SMOC1: variants seen among roughly 807,000 people sequenced by gnomAD.
SMOC1 encodes SPARC-related modular calcium-binding protein 1.
In SMOC1, 22 loss-of-function variants were observed where a neutral mutation model predicts 56.3. The observed-to-expected ratio is 0.39, with a 90% CI of 0.28 to 0.56. The LOEUF (loss-of-function observed/expected upper bound fraction) is 0.56, where lower values mean the gene tolerates loss of function less well. SMOC1 is among the 20% of genes least tolerant of loss of function. The pLI, the probability that SMOC1 is intolerant of heterozygous loss-of-function variation, is 0.61. For missense variants in SMOC1, 509 were observed against 565.4 expected, an observed-to-expected ratio of 0.90 and a Z score of 1.01; for synonymous variants, 193 against 215.0, an observed-to-expected ratio of 0.90 and a Z score of 0.89.
rs1035034851 is a variant in SMOC1 at position 70,032,219 on chromosome 14, A to T, written c.*1961A>T. 3.3e-5 allele frequency: 5 copies of T among 152,122 alleles called. No homozygotes were observed. Among genetic ancestry groups the T allele is most frequent in the African/African-American group, 7.3e-5 (3 of 41,362 alleles). 9.4% of individuals were successfully genotyped at this position (152,122 alleles called of 1,614,324 possible). A position where few individuals can be genotyped will look rare whatever the true frequency, so the allele number is the denominator to read the frequency against. Reference sequence around the variant, plus strand: ...ACACATGGAGACGGCGCCTGCCTGTAGATGTTTGGATCTTCGAGATCTCCC... The same window carrying T: ...ACACATGGAGACGGCGCCTGCCTGTTGATGTTTGGATCTTCGAGATCTCCC... On this transcript the variant is annotated 3_prime_UTR_variant, in exon 12 of 12. Transcript: ENST00000361956.
At chr14:69,954,532 T>C (rs893505385) in intron 3 of SMOC1, among the ~76,000 whole-genome samples, 3 of 152,168 alleles carry the variant, frequency 2.0e-5, no homozygotes, top group Non-Finnish European at 4.4e-5. Flanking sequence ...CAGGAAAGCT[T>C]CTGGGCTGCT....
chr14:69,940,243 C>A (rs1055590545), intron 1 of SMOC1, among the ~76,000 whole-genome samples: 1 of 152,206 alleles, frequency 6.6e-6, no homozygotes, highest in African/African-American at 2.4e-5. Context: ...CTCCCTCAGT[C>A]CCCTAGTGGT....
Position 70,023,184 on chromosome 14 carries a change from G to A in SMOC1, c.1047-19G>A, listed in dbSNP as rs1244692406. On this transcript the variant is annotated intron_variant, in intron 10 of 11. Coordinates refer to ENST00000361956, the MANE Select transcript of SMOC1 (RefSeq NM_001034852.3). Reference sequence around the variant, plus strand: ...CTGATTGGTGTTCTCTGCGGTGGGGGTGTTTGTCCATGGCCCAGGTTCTCA... The same window carrying A: ...CTGATTGGTGTTCTCTGCGGTGGGGATGTTTGTCCATGGCCCAGGTTCTCA... 2.5e-6 allele frequency: 4 copies of A among 1,613,866 alleles called. No individual in the cohort carries two copies. The highest frequency in any genetic ancestry group is 3.4e-6 in the Non-Finnish European group (4 of 1,180,006).
intron 10 of SMOC1, among the ~76,000 whole-genome samples, chr14:70,017,591 G>C (rs1885564693): frequency 6.6e-6 from 1 of 152,188 alleles, no homozygotes; most frequent in Non-Finnish European, 1.5e-5. Context: ...GGGAAAAAGG[G>C]ATAGAAGATG....
At chr14:69,959,794 A>G (rs1594824008) in intron 3 of SMOC1, among the ~76,000 whole-genome samples, 1 of 152,076 alleles carries the variant, frequency 6.6e-6, no homozygotes, top group Non-Finnish European at 1.5e-5. Flanking sequence ...TTGGAAGCTT[A>G]AAAAATGTTC....
At chr14:69,919,812 A>G (rs1214970525) in intron 1 of SMOC1, among the ~76,000 whole-genome samples, 1 of 152,200 alleles carries the variant, frequency 6.6e-6, no homozygotes, top group Non-Finnish European at 1.5e-5. Flanking sequence ...TAACTCTACA[A>G]TTAGCCAACA....
rs542608743 is a variant in SMOC1 at position 69,927,448 on chromosome 14, A to C, written c.100-24690A>C. Among the ~76,000 whole-genome samples, 6 of 152,334 alleles carry C rather than the reference A, an allele frequency of 3.9e-5. No individual in the cohort carries two copies. In the South Asian group the frequency reaches 1.0e-3, roughly 26 times the overall value. On this transcript the variant is annotated intron_variant, in intron 1 of 11. Transcript: ENST00000361956. ...GTAATCCCAGCACTTTGAGGGGCCA[A>C]GGCGGGCAGATTGCTTGAGCTCAGG...
intron 1 of SMOC1, among the ~76,000 whole-genome samples, chr14:69,902,373 T>C (rs1325805192): frequency 6.6e-6 from 1 of 152,218 alleles, no homozygotes; most frequent in Admixed American, 6.5e-5. Context: ...CTTCCTACGG[T>C]AGATTAAATA....
At chr14:69,915,646 C>A (rs2037535788) in intron 1 of SMOC1, among the ~76,000 whole-genome samples, 1 of 152,226 alleles carries the variant, frequency 6.6e-6, no homozygotes, top group African/African-American at 2.4e-5. Context: ...CTTGTGTCTC[C>A]ATTACGTCCC....
At chr14:70,020,183 T>G (rs1471414526) in intron 10 of SMOC1, among the ~76,000 whole-genome samples, 1 of 151,932 alleles carries the variant, frequency 6.6e-6, no homozygotes, top group Admixed American at 6.6e-5. Context: ...CCATGGACTT[T>G]GAATGGATTT....
chr14:70,023,225 C>T lies in SMOC1; in HGVS notation c.1069C>T (p.His357Tyr). ...GGRFSEPDPS[H>Y]TLEERVVHWY... ...CAGGTTCTCAGAGCCAGACCCCAGC[C>T]ACACCCTGGAGGAGCGGGTAGTGCA... Residue 357 changes from histidine to tyrosine, a missense_variant, in exon 11 of 12, where the codon CAC becomes TAC. By Grantham distance (83) the His-to-Tyr change is moderately conservative. Around this residue, in one of 3 missense-constraint regions of SMOC1, gnomAD observed 176 missense variants for 188.1 expected, o/e 0.94. Transcript: ENST00000361956. 2 of 1,614,126 alleles carry T rather than the reference C, an allele frequency of 1.2e-6. No homozygotes were observed. The highest frequency in any genetic ancestry group is 1.7e-5 in the Admixed American group (1 of 60,018).
intron 1 of SMOC1, among the ~76,000 whole-genome samples, chr14:69,926,489 C>A (rs555059159): frequency 6.6e-6 from 1 of 152,200 alleles, no homozygotes; most frequent in Non-Finnish European, 1.5e-5. Flanking sequence ...AAGGGCCAGG[C>A]GGCAGATGCA....
At chr14:70,027,159 T>C (rs960812746) in intron 11 of SMOC1, among the ~76,000 whole-genome samples, 20 of 152,200 alleles carry the variant, frequency 1.3e-4, no homozygotes, top group African/African-American at 4.6e-4. Context: ...GTGGGTCCTC[T>C]AGTCCATTTT....
At chr14:69,994,223 G>A in intron 6 of SMOC1, 177 bp from the exon 7 acceptor site, 3 of 719,574 alleles carry the variant, frequency 4.2e-6, no homozygotes, top group Non-Finnish European at 7.6e-6. Flanking sequence ...GAGCTGTTGG[G>A]GAGAGAAGCT....
chr14:69,933,973 T>C (rs115611886), intron 1 of SMOC1, among the ~76,000 whole-genome samples: 1 of 152,196 alleles, frequency 6.6e-6, no homozygotes, highest in African/African-American at 2.4e-5. Context: ...TGTAGTAACA[T>C]CTAAGATTTT....
intron 1 of SMOC1, among the ~76,000 whole-genome samples, chr14:69,915,160 G>A (rs1225385639): frequency 2.0e-5 from 3 of 152,174 alleles, no homozygotes; most frequent in South Asian, 2.1e-4. Flanking sequence ...GAGCCACCGC[G>A]CCCGGCCAGT....
intron 1 of SMOC1, among the ~76,000 whole-genome samples, chr14:69,900,118 C>T (rs191337523): frequency 6.6e-6 from 1 of 152,202 alleles, no homozygotes; most frequent in African/African-American, 2.4e-5. Flanking sequence ...TTTCACAGTT[C>T]CTGCTCATGT....
At chr14:70,015,158 G>C (rs1416370158) in intron 10 of SMOC1, among the ~76,000 whole-genome samples, 1 of 152,148 alleles carries the variant, frequency 6.6e-6, no homozygotes, top group South Asian at 2.1e-4. Flanking sequence ...TGTTATATTG[G>C]GGGCATTATG....
At chr14:69,961,270 GTGTATATATATATATATATATATATA>G (rs1384475555) in intron 3 of SMOC1, among the ~76,000 whole-genome samples, 1 of 59,694 alleles carries the variant, frequency 1.7e-5, no homozygotes, top group African/African-American at 8.0e-5. Context: ...ATATTCTATT[GTGTATATATATATATATATATATATA>G]TATATATATA....
Sources: allele counts gnomAD v4.1 joint callset (sites outside exome capture counted in the v4.1 genomes callset), GRCh38; gene constraint gnomAD v4.1.1; regional missense constraint gnomAD v4.1.1; transcripts MANE v1.5; gene names NCBI Gene and HGNC (gene_info 2026-07-23, HGNC 2026-07-21).